Variants in ABCG8 observed in about 807,000 individuals in gnomAD.
The protein encoded by ABCG8 is ATP-binding cassette sub-family G member 8.
In ABCG8, 81 loss-of-function variants were observed where a neutral mutation model predicts 71.3. The ratio of observed to expected loss-of-function variants is 1.14; its 90% CI spans 0.95 to 1.37. The LOEUF is 1.37. Among genes scored for constraint, ABCG8 ranks in the 40% most tolerant of loss-of-function variants. The probability of loss-of-function intolerance (pLI) is 0.00; values close to 1 mark genes in which losing one functional copy is unlikely to be tolerated. For missense variants in ABCG8, 1,119 were observed against 866.2 expected (o/e 1.29, Z -3.66); for synonymous variants, 451 against 354.7 (o/e 1.27, Z -3.05).
chr2:43,876,018 G>C (rs1669947871), intron 11 of ABCG8, among the ~76,000 whole-genome samples: 1 of 152,098 alleles, frequency 6.6e-6, no homozygotes. Context: ...GGGCTTTCCT[G>C]ATGCACCCAG....
chr2:43,843,662 G>T (rs1200793747), intron 1 of ABCG8, among the ~76,000 whole-genome samples: 1 of 152,054 alleles, frequency 6.6e-6, no homozygotes. Context: ...CAAAGAAAAA[G>T]AAATGATGGG....
intron 11 of ABCG8, among the ~76,000 whole-genome samples, chr2:43,876,211 G>A (rs1370310286): frequency 2.0e-5 from 3 of 152,206 alleles, no homozygotes; most frequent in African/African-American, 7.2e-5. Flanking sequence ...TCAAATGTGT[G>A]GGTGACCCCG....
At chr2:43,862,864 A>G (rs529934299) in intron 6 of ABCG8, among the ~76,000 whole-genome samples, 1 of 151,140 alleles carries the variant, frequency 6.6e-6, no homozygotes, top group Admixed American at 6.6e-5. Context: ...TCTGGATAGA[A>G]CTCTCACTCT....
At position 43,880,073 on chromosome 2, in the gene ABCG8, G is replaced by T. The variant is rs1275427501; in HGVS notation, c.*2160G>T. The T allele has an allele frequency of 1.3e-5, 2 of 151,656 alleles. No homozygotes were observed. The highest frequency in any genetic ancestry group is 6.6e-5 in the Admixed American group (1 of 15,230). 9.4% of individuals were successfully genotyped at this position (151,656 alleles called of 1,614,324 possible). On this transcript the variant is annotated 3_prime_UTR_variant, in exon 13 of 13. Coordinates refer to ENST00000272286, the MANE Select transcript of ABCG8 (RefSeq NM_022437.3). ...CTGATGCTCAGCTTGTCCCTGATTT[G>T]GCCAGTGGGAACCCCGTCGAGCTGG... is the stretch of plus-strand genomic sequence containing the variant.
At chr2:43,840,660 C>T (rs554775626) in intron 1 of ABCG8, among the ~76,000 whole-genome samples, 1 of 152,358 alleles carries the variant, frequency 6.6e-6, no homozygotes, top group African/African-American at 2.4e-5. Context: ...GACATATCTT[C>T]CTCACAACCT....
intron 1 of ABCG8, among the ~76,000 whole-genome samples, chr2:43,839,614 A>ATTTTTTAGTAGTTT (rs1668500019): frequency 2.6e-5 from 4 of 151,052 alleles, no homozygotes; most frequent in African/African-American, 7.3e-5. Flanking sequence ...TTTAGTAGAG[A>ATTTTTTAGTAGTTT]CAGTGTTTCA....
rs1261533587 is a variant in ABCG8 at position 43,872,334 on chromosome 2, C to T, written c.1211+28C>T. On this transcript the variant is annotated intron_variant, in intron 8 of 12. Transcript: ENST00000272286. ...AATTATCTGTCATTTTATTACTGAA[C>T]CCGCCCCCCTGCCCAAGTCTTTGTA... 4 of 1,600,438 alleles carry T rather than the reference C, an allele frequency of 2.5e-6. No individual in the cohort carries two copies. In the East Asian group the frequency reaches 9.1e-5, roughly 36 times the overall value.
chr2:43,846,743 G>A (rs915585259), intron 3 of ABCG8: 66 of 260,760 alleles, frequency 2.5e-4, no homozygotes, highest in Middle Eastern at 1.4e-3. Flanking sequence ...CCTCTCCAGT[G>A]TCTTACTTAG....
intron 6 of ABCG8, among the ~76,000 whole-genome samples, chr2:43,870,710 T>C (rs1669734380): frequency 6.6e-6 from 1 of 152,084 alleles, no homozygotes; most frequent in Non-Finnish European, 1.5e-5. Context: ...GATCGAACTC[T>C]CACTATCTGT....
chr2:43,865,554 A>T (rs934819345), intron 6 of ABCG8, among the ~76,000 whole-genome samples: 2 of 151,160 alleles, frequency 1.3e-5, no homozygotes, highest in Admixed American at 6.6e-5. Context: ...TAGAATTCTC[A>T]CCCTCTAGAT....
At chr2:43,865,055 G>T (rs910741247) in intron 6 of ABCG8, among the ~76,000 whole-genome samples, 1 of 149,828 alleles carries the variant, frequency 6.7e-6, no homozygotes, top group African/African-American at 2.5e-5. Flanking sequence ...TCACTCTCTG[G>T]ATAGAACTCC....
At chr2:43,871,308 C>G (rs12479089) in intron 6 of ABCG8, among the ~76,000 whole-genome samples, 8,216 of 148,402 alleles carry the variant, frequency 0.055, 447 homozygotes, top group Admixed American at 0.13. Context: ...TTCTCACTCT[C>G]TGGATAGAAC....
In ABCG8 at chr2:43,839,032, G is replaced by A; in HGVS notation, c.-22G>A. 8.4e-6 allele frequency: 13 copies of A among 1,550,474 alleles called. No homozygotes were observed. Among genetic ancestry groups the A allele is most frequent in the Non-Finnish European group, 1.1e-5 (13 of 1,146,518 alleles). Reference sequence around the variant, plus strand: ...CTGGGTCTAAGAGAGCTGCAGCCCAGGGTCACAGACCTGTGGGCCCCATGG... The same window carrying A: ...CTGGGTCTAAGAGAGCTGCAGCCCAAGGTCACAGACCTGTGGGCCCCATGG... On this transcript the variant is annotated 5_prime_UTR_variant, in exon 1 of 13. Coordinates refer to ENST00000272286, the MANE Select transcript of ABCG8 (RefSeq NM_022437.3).
intron 1 of ABCG8, among the ~76,000 whole-genome samples, chr2:43,839,682 A>G (rs185259241): frequency 1.5e-3 from 229 of 152,032 alleles, no homozygotes; most frequent in African/African-American, 5.3e-3. Flanking sequence ...TCGGCCTCCC[A>G]AAGTGCTGGG....
Position 43,839,123 on chromosome 2 carries a change from G to A in ABCG8, c.63+7G>A. Reference sequence around the variant, plus strand: ...CACTCCCCAGGATACCTCGGTGAGTGAGCAATGGGAAGTCGGCCCAGGCCT... The same window carrying A: ...CACTCCCCAGGATACCTCGGTGAGTAAGCAATGGGAAGTCGGCCCAGGCCT... On this transcript the variant is annotated splice_region_variant and intron_variant, in intron 1 of 12. Coordinates refer to ENST00000272286, the MANE Select transcript of ABCG8 (RefSeq NM_022437.3). 2 of 1,551,146 alleles carry A rather than the reference G, an allele frequency of 1.3e-6. No homozygotes were observed. Among genetic ancestry groups the A allele is most frequent in the East Asian group, 2.4e-5 (1 of 40,896 alleles).
At position 43,851,923 on chromosome 2, in the gene ABCG8, C is replaced by T. The variant is rs934097600; in HGVS notation, c.561+101C>T. 6.6e-5 allele frequency: 88 copies of T among 1,338,634 alleles called. 1 individual carries two copies. In the African/African-American group the frequency reaches 9.2e-4, roughly 14 times the overall value. 82.9% of individuals were successfully genotyped at this position (1,338,634 alleles called of 1,614,324 possible). ...CTTGCCTCAGGACCCAGCCGCAGGT[C>T]GAGTTTGAACAACTCAGCTTGCCTT... On this transcript the variant is annotated intron_variant, in intron 4 of 12. Coordinates refer to ENST00000272286, the MANE Select transcript of ABCG8 (RefSeq NM_022437.3).
intron 2 of ABCG8, 50 bp downstream of exon 2, chr2:43,844,658 G>C (rs761787268): frequency 6.8e-7 from 1 of 1,461,902 alleles, no homozygotes; most frequent in Non-Finnish European, 9.6e-7. Flanking sequence ...GGGACAGCCA[G>C]GAAATTCCCC....
chr2:43,852,288 G>A, intron 4 of ABCG8, 66 bp from the exon 5 acceptor site: 1 of 1,609,520 alleles, frequency 6.2e-7, no homozygotes, highest in Non-Finnish European at 8.5e-7. Context: ...TTATCCTTGG[G>A]GTCACAATGT....
intron 3 of ABCG8, among the ~76,000 whole-genome samples, chr2:43,849,225 A>T (rs558567098): frequency 6.6e-6 from 1 of 152,176 alleles, no homozygotes; most frequent in South Asian, 2.1e-4. Context: ...CCGTTTTCAC[A>T]CTGCTCTAAA....
Sources: gnomAD v4.1 joint callset for allele counts (sites outside exome capture counted in the v4.1 genomes callset) on GRCh38, gnomAD v4.1.1 for gene constraint, MANE v1.5 for transcripts, NCBI Gene and HGNC (gene_info 2026-07-23, HGNC 2026-07-21) for gene names.